The following DEUP1 variants were observed in gnomAD, a reference collection of about 807,000 sequenced individuals.
The protein encoded by DEUP1 is coiled-coil domain containing 67.
Under a neutral mutation model 87.4 loss-of-function variants are expected in DEUP1, and 82 were observed. The observed-to-expected ratio is 0.94, with a 90% CI of 0.78 to 1.13. DEUP1 has a LOEUF of 1.13. DEUP1 is among the 50% of genes most tolerant of loss of function. The pLI is 0.00. For synonymous variants in DEUP1, 214 were observed against 222.7 expected (o/e 0.96, Z 0.35); for missense variants, 663 against 681.5 (o/e 0.97, Z 0.30).
intron 13 of DEUP1, among the ~76,000 whole-genome samples, chr11:93,417,016 C>G (rs1414494703): frequency 1.3e-5 from 2 of 151,590 alleles, no homozygotes; most frequent in African/African-American, 2.4e-5. Context: ...ATTAGGTATA[C>G]ATGGGACGTA....
At chr11:93,433,901 C>A (rs1041866144) in intron 13 of DEUP1, among the ~76,000 whole-genome samples, 1 of 152,158 alleles carries the variant, frequency 6.6e-6, no homozygotes, top group Non-Finnish European at 1.5e-5. Context: ...TTTTACGCCC[C>A]TGTGTCCATC....
intron 13 of DEUP1, among the ~76,000 whole-genome samples, chr11:93,418,546 G>A (rs1947733264): frequency 6.6e-6 from 1 of 151,578 alleles, no homozygotes; most frequent in African/African-American, 2.4e-5. Flanking sequence ...GTGCTGGAGA[G>A]GATATGGAGA....
At chr11:93,363,568 A>G (rs11020282) in intron 4 of DEUP1, among the ~76,000 whole-genome samples, 35,465 of 151,722 alleles carry the variant, frequency 0.23, 4,546 homozygotes, top group South Asian at 0.38. Flanking sequence ...ATGTTCATAA[A>G]CTATGCTACT....
intron 7 of DEUP1, chr11:93,383,686 A>G (rs1591193160): frequency 3.4e-6 from 2 of 588,520 alleles, no homozygotes; most frequent in Non-Finnish European, 3.0e-6. Flanking sequence ...TATTCAGTAT[A>G]TCTATATATT....
In DEUP1 at chr11:93,435,359, AT is replaced by A. The variant is rs537574530; in HGVS notation, c.1639-2183del. 1.4e-4 allele frequency among the ~76,000 whole-genome samples: 22 copies of A among 152,336 alleles called. No homozygotes were observed. The South Asian group carries it at 4.6e-3, about 32-fold the overall frequency. ...AAGGGGAAATCATGGTATTGGGATG[AT>A]GCATAATTCCCACTGAGGTAGCCAA... On this transcript the variant is annotated intron_variant, in intron 13 of 13. Coordinates refer to ENST00000298050, the MANE Select transcript of DEUP1 (RefSeq NM_181645.4).
chr11:93,404,811 A>AG (rs1162893700), intron 11 of DEUP1, among the ~76,000 whole-genome samples: 2 of 152,028 alleles, frequency 1.3e-5, no homozygotes, highest in South Asian at 2.1e-4. Flanking sequence ...GAAACACAAG[A>AG]GGTGGGGGTG....
At chr11:93,398,556 T>C (rs1947011669) in intron 11 of DEUP1, among the ~76,000 whole-genome samples, 1 of 152,156 alleles carries the variant, frequency 6.6e-6, no homozygotes, top group African/African-American at 2.4e-5. Flanking sequence ...TTAATTTTTG[T>C]CATTCTGATG....
At chr11:93,330,701 CG>C, upstream of DEUP1, 1 of 153,052 alleles carries the variant, frequency 6.5e-6, no homozygotes. Flanking sequence ...GCGGGCCTGG[CG>C]GGGCGGGAGG....
intron 11 of DEUP1, among the ~76,000 whole-genome samples, chr11:93,402,248 G>A (rs532064213): frequency 6.6e-6 from 1 of 151,694 alleles, no homozygotes; most frequent in Non-Finnish European, 1.5e-5. Flanking sequence ...ACAGGTATAT[G>A]AAAAAAAATT....
At position 93,397,589 on chromosome 11, in the gene DEUP1, G is replaced by A. The variant is rs114754477; in HGVS notation, c.1326+1264G>A. 3.4e-3 allele frequency among the ~76,000 whole-genome samples: 511 copies of A among 152,126 alleles called. 1 individual carries two copies. The highest frequency in any genetic ancestry group is 0.012 in the African/African-American group (488 of 41,508). ...GCCTGCCTAATTCTGGCTCCTTTAG[G>A]TGTTTGACTTTGTTCACCTTTTTGT... On this transcript the variant is annotated intron_variant, in intron 11 of 13. Coordinates refer to ENST00000298050, the MANE Select transcript of DEUP1 (RefSeq NM_181645.4).
At chr11:93,347,984 C>T (rs58066241) in intron 2 of DEUP1, among the ~76,000 whole-genome samples, 17 of 152,172 alleles carry the variant, frequency 1.1e-4, no homozygotes, top group Non-Finnish European at 2.2e-4. Context: ...TTGTGACCCG[C>T]CCACCTCAGC....
chr11:93,414,990 T>C lies in DEUP1; in HGVS notation c.1524-10T>C. 5 of 1,443,290 alleles carry C rather than the reference T, an allele frequency of 3.5e-6. No individual in the cohort carries two copies. Among genetic ancestry groups the C allele is most frequent in the Non-Finnish European group, 4.6e-6 (5 of 1,078,374 alleles). 89.4% of individuals were successfully genotyped at this position (1,443,290 alleles called of 1,614,324 possible). ...GATAGCAACAACAACAACCATTTCT[T>C]CTCTTTTAGACTTAGTCATGACTGT... On this transcript the variant is annotated splice_polypyrimidine_tract_variant and intron_variant, in intron 12 of 13. Transcript: ENST00000298050.
intron 13 of DEUP1, among the ~76,000 whole-genome samples, chr11:93,418,166 C>T (rs1459847077): frequency 1.3e-5 from 2 of 151,914 alleles, no homozygotes; most frequent in Non-Finnish European, 2.9e-5. Context: ...GCAACAAAAG[C>T]CAAAATTGAC....
chr11:93,392,471 A>G (rs575999199), intron 9 of DEUP1, among the ~76,000 whole-genome samples: 11 of 152,236 alleles, frequency 7.2e-5, no homozygotes, highest in Non-Finnish European at 1.6e-4. Flanking sequence ...ACTACTTAGA[A>G]CACACAAAAA....
At chr11:93,405,351 C>A (rs1947239595) in intron 11 of DEUP1, among the ~76,000 whole-genome samples, 1 of 151,930 alleles carries the variant, frequency 6.6e-6, no homozygotes, top group African/African-American at 2.4e-5. Context: ...ACAGATTGCT[C>A]TTTTATCTGC....
At chr11:93,366,436 G>T (rs903665773) in intron 5 of DEUP1, among the ~76,000 whole-genome samples, 1 of 152,160 alleles carries the variant, frequency 6.6e-6, no homozygotes, top group African/African-American at 2.4e-5. Flanking sequence ...AAACCTTAAA[G>T]ATCCAGAAAA....
intron 12 of DEUP1, among the ~76,000 whole-genome samples, chr11:93,409,969 G>A (rs756360643): frequency 7.9e-5 from 12 of 152,096 alleles, no homozygotes; most frequent in Non-Finnish European, 1.6e-4. Context: ...TTCTGTGGGG[G>A]AGAGGTGGTG....
intron 13 of DEUP1, among the ~76,000 whole-genome samples, chr11:93,433,795 G>T (rs1168629993): frequency 6.6e-6 from 1 of 152,116 alleles, no homozygotes; most frequent in African/African-American, 2.4e-5. Context: ...GCAAAGATGT[G>T]GTCTGAGCTA....
chr11:93,344,978 T>TA (rs1944271274), intron 2 of DEUP1, among the ~76,000 whole-genome samples: 1 of 152,028 alleles, frequency 6.6e-6, no homozygotes, highest in African/African-American at 2.4e-5. Context: ...TGGGACCCAT[T>TA]AGTTATTTTT....
Sources: gnomAD v4.1 joint callset for allele counts (sites outside exome capture counted in the v4.1 genomes callset) on GRCh38, gnomAD v4.1.1 for gene constraint, MANE v1.5 for transcripts, NCBI Gene and HGNC (gene_info 2026-07-23, HGNC 2026-07-21) for gene names.